Variants in OSBPL1A observed in about 807,000 individuals in gnomAD.
The protein encoded by OSBPL1A is oxysterol binding protein like 1A.
In OSBPL1A, 80 loss-of-function variants were observed where a neutral mutation model predicts 137.1. That is an observed-to-expected ratio of 0.58 (90% CI 0.49 to 0.70). The LOEUF (loss-of-function observed/expected upper bound fraction) is 0.70. OSBPL1A is among the 30% of genes least tolerant of loss of function. The pLI, the probability that OSBPL1A is intolerant of heterozygous loss-of-function variation, is 0.00. For synonymous variants in OSBPL1A, 365 were observed against 389.7 expected (o/e 0.94, Z 0.75); for missense variants, 970 against 1,129.4 (o/e 0.86, Z 2.02).
chr18:24,186,903 C>CAAAA (rs57438319), intron 18 of OSBPL1A, among the ~76,000 whole-genome samples: 2 of 62,598 alleles, frequency 3.2e-5, no homozygotes, highest in Non-Finnish European at 6.1e-5. Flanking sequence ...GACTCTGTCT[C>CAAAA]AAAAAAAAAA....
intron 1 of OSBPL1A, among the ~76,000 whole-genome samples, chr18:24,380,465 T>C (rs543522715): frequency 6.6e-6 from 1 of 152,228 alleles, no homozygotes; most frequent in South Asian, 2.1e-4. Flanking sequence ...TCAGAAGTGT[T>C]CTCCTTTCAC....
At chr18:24,169,465 C>T (rs1257138378) in intron 24 of OSBPL1A, among the ~76,000 whole-genome samples, 5 of 152,186 alleles carry the variant, frequency 3.3e-5, no homozygotes, top group African/African-American at 1.2e-4. Flanking sequence ...GCAGAAATGA[C>T]TTTATCAGTC....
rs562194986 is a variant in OSBPL1A, at chr18:24,162,701, T to G, written c.*478A>C. 2 of 152,564 alleles carry G rather than the reference T, an allele frequency of 1.3e-5. No individual in the cohort carries two copies. The highest frequency in any genetic ancestry group is 4.1e-4 in the South Asian group (2 of 4,832). The allele number at this position is 152,564 out of a possible 1,614,324, so 9.5% of individuals were successfully genotyped here. ...TAAAAGCCATCTTATCAATGAAGTC[T>G]TTATAAAATGACATAACCTCTATAT... On this transcript the variant is annotated 3_prime_UTR_variant, in exon 28 of 28. Coordinates refer to ENST00000319481, the MANE Select transcript of OSBPL1A (RefSeq NM_080597.4).
At chr18:24,356,642 T>C (rs1355197857) in intron 4 of OSBPL1A, among the ~76,000 whole-genome samples, 2 of 152,174 alleles carry the variant, frequency 1.3e-5, no homozygotes, top group African/African-American at 4.8e-5. Flanking sequence ...ACCCTCACAT[T>C]GCCATCTTGG....
intron 18 of OSBPL1A, among the ~76,000 whole-genome samples, chr18:24,192,506 A>G (rs926250000): frequency 6.6e-6 from 1 of 152,236 alleles, no homozygotes; most frequent in Non-Finnish European, 1.5e-5. Flanking sequence ...TTCATTTCAC[A>G]TTGTATAATC....
chr18:24,216,060 A>C (rs1172812020), intron 17 of OSBPL1A, among the ~76,000 whole-genome samples: 4 of 152,234 alleles, frequency 2.6e-5, no homozygotes, highest in Admixed American at 2.0e-4. Flanking sequence ...AAAAGGAGAA[A>C]ATAACGAGAC....
chr18:24,205,252 C>T (rs995170705), intron 17 of OSBPL1A, among the ~76,000 whole-genome samples: 18 of 152,210 alleles, frequency 1.2e-4, no homozygotes, highest in Admixed American at 1.2e-3. Flanking sequence ...GAACATGTAA[C>T]TAACCTATTC....
intron 15 of OSBPL1A, among the ~76,000 whole-genome samples, chr18:24,275,205 T>C (rs2089817626): frequency 6.6e-6 from 1 of 151,990 alleles, no homozygotes; most frequent in African/African-American, 2.4e-5. Flanking sequence ...ACAAAAGCTA[T>C]AAATAAGGGG....
chr18:24,257,271 A>G (rs2089308769), intron 15 of OSBPL1A, among the ~76,000 whole-genome samples: 1 of 152,210 alleles, frequency 6.6e-6, no homozygotes, highest in Admixed American at 6.5e-5. Flanking sequence ...GTACTGGCAT[A>G]AAAACAGACA....
chr18:24,205,822 T>C (rs775652582), intron 17 of OSBPL1A, among the ~76,000 whole-genome samples: 1 of 152,244 alleles, frequency 6.6e-6, no homozygotes, highest in Non-Finnish European at 1.5e-5. Flanking sequence ...ATTGTTTCTA[T>C]TGCCCTGGAG....
chr18:24,249,755 G>A (rs914730557), intron 15 of OSBPL1A, among the ~76,000 whole-genome samples: 1 of 152,174 alleles, frequency 6.6e-6, no homozygotes, highest in Non-Finnish European at 1.5e-5. Context: ...GTCAGAACTC[G>A]AGTTTGTTGG....
At chr18:24,370,493 C>T (rs1201339409) in intron 2 of OSBPL1A, among the ~76,000 whole-genome samples, 1 of 152,134 alleles carries the variant, frequency 6.6e-6, no homozygotes, top group Non-Finnish European at 1.5e-5. Flanking sequence ...TCATTTCTCA[C>T]AAACTGTGCC....
chr18:24,334,695 ACT>A (rs1375956497), intron 5 of OSBPL1A, among the ~76,000 whole-genome samples: 1 of 152,234 alleles, frequency 6.6e-6, no homozygotes, highest in African/African-American at 2.4e-5. Flanking sequence ...AAGAAATAGC[ACT>A]GATAGAAAGA....
intron 1 of OSBPL1A, among the ~76,000 whole-genome samples, chr18:24,382,323 C>T (rs532929302): frequency 2.7e-5 from 4 of 147,802 alleles, no homozygotes; most frequent in South Asian, 2.1e-4. Context: ...AGGAGAAGGG[C>T]GTGAACCCAG....
intron 15 of OSBPL1A, among the ~76,000 whole-genome samples, chr18:24,244,669 G>A (rs2146017960): frequency 6.6e-6 from 1 of 152,312 alleles, no homozygotes; most frequent in East Asian, 1.9e-4. Context: ...CAATATGGCA[G>A]TCTCTCATTT....
chr18:24,172,507 A>C, intron 21 of OSBPL1A, 24 bp from the exon 22 acceptor site: 1 of 1,522,798 alleles, frequency 6.6e-7, no homozygotes, highest in Non-Finnish European at 9.1e-7. Context: ...CCAAACCCAG[A>C]AGCATAAGTG....
intron 13 of OSBPL1A, among the ~76,000 whole-genome samples, 172 bp downstream of exon 13, chr18:24,311,812 T>C (rs947805296): frequency 2.6e-5 from 4 of 152,210 alleles, no homozygotes; most frequent in Non-Finnish European, 5.9e-5. Flanking sequence ...TTTGATAGTA[T>C]TACCATGAGA....
In OSBPL1A at chr18:24,233,723, A is replaced by G. The variant is rs531440597; in HGVS notation, c.1444+5497T>C. Among the ~76,000 whole-genome samples the G allele has an allele frequency of 3.3e-5, 5 of 151,958 alleles. No homozygotes were observed. In the East Asian group the frequency reaches 9.7e-4, roughly 29 times the overall value. On this transcript the variant is annotated intron_variant, in intron 16 of 27. Transcript: ENST00000319481. ...GAGTGCAATGGCGCGATCTCGGCTCACTGCAACCTCCGCCTCCCAGGTTCA... is the reference window on the plus strand; with the variant it reads ...GAGTGCAATGGCGCGATCTCGGCTCGCTGCAACCTCCGCCTCCCAGGTTCA...
rs144359358 is a variant in OSBPL1A, at chr18:24,301,888, G to T, written c.1174+1749C>A. Among the ~76,000 whole-genome samples the T allele has an allele frequency of 2.0e-3, 299 of 152,252 alleles. 1 individual carries two copies. Among genetic ancestry groups the T allele is most frequent in the African/African-American group, 7.0e-3 (290 of 41,544 alleles). On this transcript the variant is annotated intron_variant, in intron 14 of 27. Coordinates refer to ENST00000319481, the MANE Select transcript of OSBPL1A (RefSeq NM_080597.4). The stretch of plus-strand genomic sequence containing the variant: ...TTTCCTCACATTCTCTGGAAATATA[G>T]AAACTGAATCTTGGAGTTGACTAAA...
Sources: allele counts gnomAD v4.1 joint callset (sites outside exome capture counted in the v4.1 genomes callset), GRCh38; gene constraint gnomAD v4.1.1; transcripts MANE v1.5; gene names NCBI Gene and HGNC (gene_info 2026-07-23, HGNC 2026-07-21).